The following APBA2 variants were observed in gnomAD, a reference collection of about 807,000 sequenced individuals.
APBA2 encodes amyloid beta precursor protein binding family A member 2.
In APBA2, 30 loss-of-function variants were observed where a neutral mutation model predicts 75.0. That is an observed-to-expected ratio of 0.40 (90% CI 0.30 to 0.54). The LOEUF is 0.54. Ranked by LOEUF, APBA2 falls within the 20% of genes least tolerant of loss-of-function variation. The pLI is 0.49. For synonymous variants in APBA2, 444 were observed against 409.6 expected (o/e 1.08, Z -1.01); for missense variants, 801 against 1,016.1 (o/e 0.79, Z 2.88).
intron 1 of APBA2, 54 bp from the exon 2 acceptor site, chr15:28,921,586 T>G (rs2152670836): frequency 6.6e-6 from 1 of 152,344 alleles, no homozygotes; most frequent in East Asian, 1.9e-4. Context: ...GAATAAGTGG[T>G]TTCCTTTCTC....
At chr15:28,935,484 G>C (rs919295864) in intron 2 of APBA2, among the ~76,000 whole-genome samples, 7 of 152,190 alleles carry the variant, frequency 4.6e-5, no homozygotes, top group Non-Finnish European at 7.3e-5. Flanking sequence ...TCTGGAAATG[G>C]ACAGTGGCTG....
At chr15:28,956,593 G>T (rs55638519) in intron 2 of APBA2, among the ~76,000 whole-genome samples, 1 of 152,120 alleles carries the variant, frequency 6.6e-6, no homozygotes, top group African/African-American at 2.4e-5. Context: ...TTCACCTTCT[G>T]GAACCATGTT....
chr15:28,922,170 T>A (rs1413257329), intron 2 of APBA2, among the ~76,000 whole-genome samples: 1 of 152,110 alleles, frequency 6.6e-6, no homozygotes, highest in Non-Finnish European at 1.5e-5. Context: ...GCTGGGGGCA[T>A]CCCGGTGGTC....
chr15:29,046,075 G>A lies in APBA2; in HGVS notation c.-40-7770G>A, dbSNP rs1566942103. 6.6e-6 allele frequency among the ~76,000 whole-genome samples: 1 copy of A among 152,144 alleles called. No individual in the cohort carries two copies. The highest frequency in any genetic ancestry group is 2.4e-5 in the African/African-American group (1 of 41,430). On this transcript the variant is annotated intron_variant, in intron 3 of 14. Transcript: ENST00000683413. This position sits in a 1 kb window ranked among gnomAD's most constrained non-coding sequence, Gnocchi z 5.0. ...AAAGGTGGGATTTGGCAGCTATGTG[G>A]GACCTTCCTTCAGGCACTAAAGGGC...
Position 28,918,054 on chromosome 15 carries a change from T to C in APBA2, c.-204-3586T>C, listed in dbSNP as rs1348638770. Among the ~76,000 whole-genome samples, 2 of 152,204 alleles carry C rather than the reference T, an allele frequency of 1.3e-5. No individual in the cohort carries two copies. Among genetic ancestry groups the C allele is most frequent in the Non-Finnish European group, 2.9e-5 (2 of 68,036 alleles). ...GCTGCCCCCAGTCGGTCCCCGAGGATTCTGCCCAGATAGGGATAAGAATCA... is the reference window on the plus strand; with the variant it reads ...GCTGCCCCCAGTCGGTCCCCGAGGACTCTGCCCAGATAGGGATAAGAATCA... On this transcript the variant is annotated intron_variant, in intron 1 of 14. Coordinates refer to ENST00000683413, the MANE Select transcript of APBA2 (RefSeq NM_001353788.2). The surrounding 1 kb of genome is among the most constrained non-coding windows in gnomAD (Gnocchi z 4.2).
At position 29,053,927 on chromosome 15, in the gene APBA2, G is replaced by A; in HGVS notation, c.43G>A (p.Asp15Asn). ...KLESVGSGML[D>N]HRVRPGPVPH... ...TGAGAGCGTGGGGAGCGGCATGTTGGACCATAGGGTGAGACCAGGTCCTGT... is the reference window on the plus strand; with the variant it reads ...TGAGAGCGTGGGGAGCGGCATGTTGAACCATAGGGTGAGACCAGGTCCTGT... The change falls in exon 4 of 15, where the codon GAC becomes AAC. Residue 15 changes from aspartate (D) to asparagine (N), a missense_variant. Transcript: ENST00000683413. 1 of 1,613,704 alleles carries A rather than the reference G, an allele frequency of 6.2e-7. No homozygotes were observed. The highest frequency in any genetic ancestry group is 8.5e-7 in the Non-Finnish European group (1 of 1,179,796).
In APBA2 at chr15:29,072,969, G is replaced by T. The variant is rs112259688; in HGVS notation, c.952-1952G>T. ...TCTCCCTCGCCATCCTTAAAGCCCGGTGCCCGCTCCCCTGCATCCCCCACT... is the reference window on the plus strand; with the variant it reads ...TCTCCCTCGCCATCCTTAAAGCCCGTTGCCCGCTCCCCTGCATCCCCCACT... On this transcript the variant is annotated intron_variant, in intron 4 of 14. Coordinates refer to ENST00000683413, the MANE Select transcript of APBA2 (RefSeq NM_001353788.2). Among the ~76,000 whole-genome samples, 652 of 152,252 alleles carry T rather than the reference G, an allele frequency of 4.3e-3. 2 individuals are homozygous for T. Among genetic ancestry groups the T allele is most frequent in the African/African-American group, 0.015 (621 of 41,544 alleles).
At position 29,116,398 on chromosome 15, in the gene APBA2, G is replaced by A. The variant is rs186384457; in HGVS notation, c.2179-664G>A. Among the ~76,000 whole-genome samples, 142 of 152,092 alleles carry A rather than the reference G, an allele frequency of 9.3e-4. 1 individual carries two copies. Among genetic ancestry groups the A allele is most frequent in the Middle Eastern group, 3.4e-3 (1 of 292 alleles). On this transcript the variant is annotated intron_variant, in intron 14 of 14. Transcript: ENST00000683413. ...TCCCAGCACTTTGGGAGGCCGAGGC[G>A]GGCGTATCACGAGGTCGGGAGATTG...
chr15:29,011,323 G>T (rs192935783), intron 3 of APBA2, among the ~76,000 whole-genome samples: 1 of 152,208 alleles, frequency 6.6e-6, no homozygotes, highest in Admixed American at 6.5e-5. Flanking sequence ...ACCATTTTTG[G>T]ATACGTTGTA....
At chr15:29,090,057 C>A (rs558696579) in intron 6 of APBA2, among the ~76,000 whole-genome samples, 1 of 152,316 alleles carries the variant, frequency 6.6e-6, no homozygotes, top group African/African-American at 2.4e-5. Flanking sequence ...CATGCCGCCC[C>A]CACTGGACTC....
chr15:28,986,338 C>T (rs780377736), intron 2 of APBA2, among the ~76,000 whole-genome samples: 64 of 152,164 alleles, frequency 4.2e-4, no homozygotes, highest in African/African-American at 1.7e-4. Flanking sequence ...CCTGTGCCAG[C>T]GCTGGCTGGT....
chr15:29,008,145 A>G (rs2039220702), intron 3 of APBA2, among the ~76,000 whole-genome samples: 2 of 152,216 alleles, frequency 1.3e-5, no homozygotes, highest in Admixed American at 1.3e-4. Context: ...AATAGCACAG[A>G]TCCTGTGTGG....
chr15:28,948,461 T>G (rs914726686), intron 2 of APBA2, among the ~76,000 whole-genome samples: 1 of 152,170 alleles, frequency 6.6e-6, no homozygotes, highest in African/African-American at 2.4e-5. Flanking sequence ...ACTGACATGT[T>G]AGCTCTCTGC....
chr15:29,108,113 GCA>G (rs2044526628), intron 12 of APBA2, among the ~76,000 whole-genome samples, 155 bp from the exon 13 acceptor site: 1 of 152,058 alleles, frequency 6.6e-6, no homozygotes, highest in African/African-American at 2.4e-5. Context: ...TGTCCCCGCT[GCA>G]CAGAGGGGCT....
chr15:28,968,042 C>T (rs1403137109), intron 2 of APBA2, among the ~76,000 whole-genome samples: 2 of 152,246 alleles, frequency 1.3e-5, no homozygotes, highest in Non-Finnish European at 2.9e-5. Flanking sequence ...TGGAATCCTA[C>T]AATATTTTTG....
chr15:29,077,656 A>G (rs1358156396), intron 6 of APBA2, among the ~76,000 whole-genome samples: 1 of 152,222 alleles, frequency 6.6e-6, no homozygotes, highest in Non-Finnish European at 1.5e-5. Context: ...GCTTAAAACA[A>G]TTCAGACAGG....
intron 2 of APBA2, among the ~76,000 whole-genome samples, chr15:28,988,411 C>T (rs1369088840): frequency 6.6e-6 from 1 of 151,868 alleles, no homozygotes; most frequent in Non-Finnish European, 1.5e-5. Flanking sequence ...TTACAGGCGC[C>T]CGCCACTGCA....
At chr15:28,999,224 C>T (rs1198926477) in intron 3 of APBA2, among the ~76,000 whole-genome samples, 1 of 151,656 alleles carries the variant, frequency 6.6e-6, no homozygotes, top group Non-Finnish European at 1.5e-5. Flanking sequence ...TCTATCTGCT[C>T]TTGAGGTGGG....
chr15:29,114,192 C>A (rs1384289842), intron 14 of APBA2, among the ~76,000 whole-genome samples, 176 bp downstream of exon 14: 2 of 152,228 alleles, frequency 1.3e-5, no homozygotes, highest in Admixed American at 6.5e-5. Context: ...GCGGAGCCAT[C>A]CCGGTCTGGC....
Sources: allele counts gnomAD v4.1 joint callset (sites outside exome capture counted in the v4.1 genomes callset), GRCh38; gene constraint gnomAD v4.1.1; non-coding constraint Gnocchi (gnomAD v3.1); transcripts MANE v1.5; gene names NCBI Gene and HGNC (gene_info 2026-07-23, HGNC 2026-07-21).